GABRB2: variants seen among roughly 807,000 people sequenced by gnomAD.
GABRB2 encodes the protein gamma-aminobutyric acid receptor subunit beta-2.
GABRB2 carries 16 observed loss-of-function variants against 54.7 expected under a neutral mutation model. The ratio of observed to expected loss-of-function variants is 0.29; its 90% CI spans 0.20 to 0.44. The LOEUF (loss-of-function observed/expected upper bound fraction) is 0.44. Among genes scored for constraint, GABRB2 ranks in the 20% least tolerant of loss-of-function variants. The pLI is 1.00. For synonymous variants in GABRB2, 244 were observed against 233.8 expected, an observed-to-expected ratio of 1.04 and a Z score of -0.40; for missense variants, 355 against 644.0, an observed-to-expected ratio of 0.55 and a Z score of 4.86.
At chr5:161,414,121 C>T (rs2113123823) in intron 4 of GABRB2, among the ~76,000 whole-genome samples, 1 of 152,210 alleles carries the variant, frequency 6.6e-6, no homozygotes, top group South Asian at 2.1e-4. Context: ...TTTATAATGT[C>T]TTCTAGTCAA....
intron 9 of GABRB2, among the ~76,000 whole-genome samples, chr5:161,320,964 T>A (rs1758190142): frequency 6.6e-6 from 1 of 152,022 alleles, no homozygotes; most frequent in Non-Finnish European, 1.5e-5. Flanking sequence ...TTTTTACATC[T>A]TCTACTATAA....
intron 3 of GABRB2, among the ~76,000 whole-genome samples, chr5:161,528,287 G>C (rs1039389633): frequency 6.6e-6 from 1 of 151,680 alleles, no homozygotes; most frequent in East Asian, 1.9e-4. Flanking sequence ...TTGTATCTGG[G>C]TGATGACACT....
In GABRB2 at chr5:161,293,169, T is replaced by C. The variant is rs1757282029; in HGVS notation, c.*912A>G. The C allele has an allele frequency of 2.0e-5, 3 of 152,188 alleles. No homozygotes were observed. The highest frequency in any genetic ancestry group is 1.3e-4 in the Admixed American group (2 of 15,262). The allele number at this position is 152,188 out of a possible 1,614,324, so 9.4% of individuals were successfully genotyped here. A position where few individuals can be genotyped will look rare whatever the true frequency, so the allele number is the denominator to read the frequency against. On this transcript the variant is annotated 3_prime_UTR_variant, in exon 10 of 10. Transcript: ENST00000393959. Reference sequence around the variant, plus strand: ...TCTTCGATTAAACTATAAAAACCTCTTTAGGTATGCTGTCAAAAGCTAGTG... The same window carrying C: ...TCTTCGATTAAACTATAAAAACCTCCTTAGGTATGCTGTCAAAAGCTAGTG...
intron 3 of GABRB2, among the ~76,000 whole-genome samples, chr5:161,498,458 G>A (rs1372073813): frequency 2.0e-5 from 3 of 152,044 alleles, no homozygotes; most frequent in Non-Finnish European, 4.4e-5. Flanking sequence ...TTGAACAGCT[G>A]TCCATGAAGT....
At chr5:161,539,405 G>A (rs1231301500) in intron 3 of GABRB2, among the ~76,000 whole-genome samples, 2 of 152,056 alleles carry the variant, frequency 1.3e-5, no homozygotes, top group Non-Finnish European at 2.9e-5. Context: ...CCTCAGTAAG[G>A]ACTCACAACT....
intron 3 of GABRB2, among the ~76,000 whole-genome samples, chr5:161,512,867 CA>C (rs971044704): frequency 1.3e-5 from 2 of 150,018 alleles, no homozygotes; most frequent in Non-Finnish European, 1.5e-5. Flanking sequence ...ATTAAACAAG[CA>C]AAAAAAATTA....
chr5:161,370,143 T>C (rs1755090499), intron 5 of GABRB2, among the ~76,000 whole-genome samples: 1 of 152,146 alleles, frequency 6.6e-6, no homozygotes, highest in Admixed American at 6.6e-5. Flanking sequence ...TTGCATGGCA[T>C]TGGGATATGA....
chr5:161,492,588 G>GTGTA (rs10695863), intron 3 of GABRB2, among the ~76,000 whole-genome samples: 1 of 151,116 alleles, frequency 6.6e-6, no homozygotes, highest in Non-Finnish European at 1.5e-5. Context: ...GTGTGTGTGT[G>GTGTA]CTTTTTACCC....
rs537576321 is a variant in GABRB2 at position 161,546,717 on chromosome 5, T to G, written c.-74A>C. 5.7e-4 allele frequency: 889 copies of G among 1,547,318 alleles called. No homozygotes were observed. Among genetic ancestry groups the G allele is most frequent in the Middle Eastern group, 3.0e-3 (18 of 5,972 alleles). On this transcript the variant is annotated 5_prime_UTR_variant, in exon 1 of 10. Transcript: ENST00000393959. ...CAACTTAGTCTGCCCAGTGCAGTAA[T>G]TCTAATGTGAGGCGCATGCGCACGG...
In GABRB2 at chr5:161,292,152, G is replaced by A. The variant is rs866745765; in HGVS notation, c.*1929C>T. The A allele has an allele frequency of 2.0e-5, 3 of 152,156 alleles. No homozygotes were observed. Among genetic ancestry groups the A allele is most frequent in the African/African-American group, 7.2e-5 (3 of 41,440 alleles). 9.4% of individuals were successfully genotyped at this position (152,156 alleles called of 1,614,324 possible). On this transcript the variant is annotated 3_prime_UTR_variant, in exon 10 of 10. Transcript: ENST00000393959. ...AAATTCAGAAAGCTGAAGGATAAAG[G>A]TTTGTTGTTGTTCTTGGACAGCTGG... is the stretch of plus-strand genomic sequence containing the variant.
intron 5 of GABRB2, among the ~76,000 whole-genome samples, chr5:161,362,137 A>C (rs1580917180): frequency 6.6e-6 from 1 of 151,924 alleles, no homozygotes; most frequent in Non-Finnish European, 1.5e-5. Context: ...TGGTCTATAT[A>C]TCTGTTTTGG....
At chr5:161,484,320 T>A (rs560423326) in intron 3 of GABRB2, among the ~76,000 whole-genome samples, 1 of 152,094 alleles carries the variant, frequency 6.6e-6, no homozygotes, top group Non-Finnish European at 1.5e-5. Context: ...CATCAACTTG[T>A]GTTCATTTCT....
intron 9 of GABRB2, among the ~76,000 whole-genome samples, chr5:161,309,245 C>G (rs1757788471): frequency 6.6e-6 from 1 of 152,030 alleles, no homozygotes; most frequent in African/African-American, 2.4e-5. Context: ...GGCCAATAAT[C>G]ATATGAAAAA....
intron 5 of GABRB2, among the ~76,000 whole-genome samples, chr5:161,379,924 G>A (rs1167747782): frequency 6.6e-6 from 1 of 152,124 alleles, no homozygotes; most frequent in Non-Finnish European, 1.5e-5. Flanking sequence ...TCCTGAAGAA[G>A]AAAAGGGACA....
At chr5:161,463,555 T>TTATATATATATATA (rs869302091) in intron 3 of GABRB2, among the ~76,000 whole-genome samples, 1 of 23,702 alleles carries the variant, frequency 4.2e-5, no homozygotes, top group Non-Finnish European at 7.1e-5. Flanking sequence ...ATATTTTTAT[T>TTATATATATATATA]TATATATATA....
chr5:161,537,998 T>C (rs1760696442), intron 3 of GABRB2, among the ~76,000 whole-genome samples: 1 of 152,112 alleles, frequency 6.6e-6, no homozygotes, highest in East Asian at 1.9e-4. Context: ...CTGACTCGTT[T>C]CCATGTAATA....
intron 3 of GABRB2, among the ~76,000 whole-genome samples, chr5:161,472,669 T>C (rs539900658): frequency 3.9e-5 from 6 of 151,974 alleles, no homozygotes; most frequent in East Asian, 3.9e-4. Flanking sequence ...AAAGCATCCC[T>C]AGTTTTGGCA....
intron 5 of GABRB2, among the ~76,000 whole-genome samples, chr5:161,361,677 G>A (rs1465552188): frequency 6.6e-6 from 1 of 152,132 alleles, no homozygotes; most frequent in Non-Finnish European, 1.5e-5. Context: ...CAGGTCCATG[G>A]CTTGTGTTTT....
chr5:161,329,078 A>G (rs1210003672), intron 8 of GABRB2, among the ~76,000 whole-genome samples: 1 of 152,134 alleles, frequency 6.6e-6, no homozygotes, highest in Admixed American at 6.6e-5. Flanking sequence ...CAGTTTGTAT[A>G]AAACCTCCTC....
Sources: gnomAD v4.1 joint callset for allele counts (sites outside exome capture counted in the v4.1 genomes callset) on GRCh38, gnomAD v4.1.1 for gene constraint, MANE v1.5 for transcripts, NCBI Gene and HGNC (gene_info 2026-07-23, HGNC 2026-07-21) for gene names.